PSD3: variants seen among roughly 807,000 people sequenced by gnomAD.
PSD3 encodes the protein PH and SEC7 domain-containing protein 3.
Under a neutral mutation model 105.5 loss-of-function variants are expected in PSD3, and 49 were observed. The observed-to-expected ratio is 0.46, with a 90% CI of 0.37 to 0.59. The LOEUF (loss-of-function observed/expected upper bound fraction) is 0.59, where lower values mean the gene tolerates loss of function less well. Ranked by LOEUF, PSD3 falls within the 20% of genes least tolerant of loss-of-function variation. The pLI is 0.00. For synonymous variants in PSD3, 557 were observed against 457.8 expected, an observed-to-expected ratio of 1.22 and a Z score of -2.77; for missense variants, 1,561 against 1,263.8, an observed-to-expected ratio of 1.24 and a Z score of -3.57.
chr8:18,874,472 C>T (rs1817602037), intron 2 of PSD3, among the ~76,000 whole-genome samples: 1 of 151,868 alleles, frequency 6.6e-6, no homozygotes, highest in African/African-American at 2.4e-5. Flanking sequence ...GCCATTGTTA[C>T]CATTTTTAAA....
chr8:18,921,945 CTG>C (rs1821049437), intron 2 of PSD3, among the ~76,000 whole-genome samples: 1 of 152,156 alleles, frequency 6.6e-6, no homozygotes, highest in Admixed American at 6.5e-5. Context: ...AGCTTCAAGT[CTG>C]GATTTTTACA....
At chr8:18,739,849 T>C (rs1171965585) in intron 9 of PSD3, among the ~76,000 whole-genome samples, 3 of 152,228 alleles carry the variant, frequency 2.0e-5, no homozygotes, top group South Asian at 2.1e-4. Flanking sequence ...TCAACTATAG[T>C]ATCTGTCTTC....
intron 9 of PSD3, among the ~76,000 whole-genome samples, chr8:18,660,300 C>G (rs753739038): frequency 6.6e-6 from 1 of 152,034 alleles, no homozygotes. Flanking sequence ...TTAGAAGAGG[C>G]GAGGAAGAGA....
chr8:19,045,951 G>C (rs1463497128), intron 1 of PSD3, among the ~76,000 whole-genome samples: 1 of 152,022 alleles, frequency 6.6e-6, no homozygotes, highest in South Asian at 2.1e-4. Flanking sequence ...CTCCTTTCTG[G>C]CTATAACCAT....
intron 9 of PSD3, among the ~76,000 whole-genome samples, chr8:18,752,742 A>G (rs1236785321): frequency 2.9e-5 from 4 of 137,958 alleles, no homozygotes; most frequent in Non-Finnish European, 6.1e-5. Context: ...ATACTGTATG[A>G]CAAACAACCT....
At chr8:18,738,190 G>A (rs923796172) in intron 9 of PSD3, among the ~76,000 whole-genome samples, 11 of 152,132 alleles carry the variant, frequency 7.2e-5, no homozygotes, top group Non-Finnish European at 1.2e-4. Flanking sequence ...ACTTTCTGGT[G>A]ACCAATTTTG....
intron 1 of PSD3, among the ~76,000 whole-genome samples, chr8:19,076,762 GCTTCCTCCCTCC>G (rs1382819542): frequency 2.0e-5 from 3 of 152,054 alleles, no homozygotes; most frequent in Admixed American, 6.6e-5. Context: ...GAACCCGCAT[GCTTCCTCCCTCC>G]CTTCCTCCCT....
At chr8:19,005,328 C>A (rs778025484) in intron 1 of PSD3, among the ~76,000 whole-genome samples, 1 of 151,918 alleles carries the variant, frequency 6.6e-6, no homozygotes, top group Non-Finnish European at 1.5e-5. Flanking sequence ...GAGGAAAAAG[C>A]CAGCTACAAA....
intron 9 of PSD3, among the ~76,000 whole-genome samples, chr8:18,729,430 T>C (rs914224077): frequency 1.1e-4 from 16 of 152,146 alleles, no homozygotes; most frequent in Non-Finnish European, 1.8e-4. Flanking sequence ...TTGTGTAAGG[T>C]TCTTACCCAA....
chr8:18,703,234 A>G (rs577499088), intron 9 of PSD3, among the ~76,000 whole-genome samples: 8 of 152,306 alleles, frequency 5.3e-5, no homozygotes, highest in African/African-American at 1.9e-4. Flanking sequence ...AAGGGGCAGA[A>G]GTTTCCAGTG....
chr8:18,768,339 T>C (rs1807207369), intron 8 of PSD3, among the ~76,000 whole-genome samples: 1 of 151,990 alleles, frequency 6.6e-6, no homozygotes, highest in Admixed American at 6.6e-5. Flanking sequence ...GCATGGTGGC[T>C]CATGCCTATA....
In PSD3 at chr8:18,760,661, T is replaced by C. The variant is rs182818206; in HGVS notation, c.2172+4788A>G. Among the ~76,000 whole-genome samples, 98 of 152,354 alleles carry C rather than the reference T, an allele frequency of 6.4e-4. 1 individual carries two copies. Among genetic ancestry groups the C allele is most frequent in the Admixed American group, 1.0e-3 (16 of 15,298 alleles). ...CTGATGAACATTTAGGATGATTCCG[T>C]ATCTGGGCTGTTATGAATTTTCAAA... On this transcript the variant is annotated intron_variant, in intron 9 of 15. Transcript: ENST00000327040.
At chr8:19,034,871 T>G (rs1827890754) in intron 1 of PSD3, among the ~76,000 whole-genome samples, 1 of 152,156 alleles carries the variant, frequency 6.6e-6, no homozygotes, top group East Asian at 1.9e-4. Flanking sequence ...AGTGACTGTC[T>G]CTTCTCCCTG....
At chr8:18,988,780 G>C (rs1410752681) in intron 1 of PSD3, among the ~76,000 whole-genome samples, 1 of 152,154 alleles carries the variant, frequency 6.6e-6, no homozygotes, top group Non-Finnish European at 1.5e-5. Flanking sequence ...ACAGAAATAT[G>C]CAAATAAGAG....
chr8:18,680,077 AAG>A (rs777015714), intron 9 of PSD3, among the ~76,000 whole-genome samples: 75 of 152,370 alleles, frequency 4.9e-4, no homozygotes, highest in Non-Finnish European at 8.7e-4. Flanking sequence ...TGGGGAAGAA[AAG>A]AGTGTTTATC....
intron 1 of PSD3, among the ~76,000 whole-genome samples, chr8:18,949,661 AC>A (rs1211081062): frequency 6.6e-6 from 1 of 152,138 alleles, no homozygotes; most frequent in African/African-American, 2.4e-5. Context: ...ACCAGATCAT[AC>A]CAAGCATTTC....
intron 1 of PSD3, among the ~76,000 whole-genome samples, chr8:18,979,008 C>A (rs1426794908): frequency 6.6e-6 from 1 of 152,102 alleles, no homozygotes; most frequent in African/African-American, 2.4e-5. Flanking sequence ...TTCTGGAGTT[C>A]GCTATATGAC....
intron 9 of PSD3, among the ~76,000 whole-genome samples, chr8:18,691,851 T>C (rs2130996327): frequency 1.3e-5 from 2 of 152,276 alleles, no homozygotes; most frequent in Admixed American, 1.3e-4. Flanking sequence ...TAAAAAACAA[T>C]GCCAGTCGAA....
intron 9 of PSD3, among the ~76,000 whole-genome samples, chr8:18,673,519 A>T (rs1303825365): frequency 6.6e-6 from 1 of 152,082 alleles, no homozygotes; most frequent in Non-Finnish European, 1.5e-5. Flanking sequence ...GTCTCTTGGC[A>T]TCGTCTCTGC....
Sources: allele counts gnomAD v4.1 joint callset (sites outside exome capture counted in the v4.1 genomes callset), GRCh38; gene constraint gnomAD v4.1.1; transcripts MANE v1.5; gene names NCBI Gene and HGNC (gene_info 2026-07-23, HGNC 2026-07-21).